LRMDA: variants seen among roughly 807,000 people sequenced by gnomAD.
LRMDA encodes the protein leucine-rich melanocyte differentiation-associated protein.
A neutral mutation model predicts 29.8 loss-of-function variants in LRMDA; 18 were observed. That is an observed-to-expected ratio of 0.60 (90% CI 0.42 to 0.90). The LOEUF (loss-of-function observed/expected upper bound fraction) is 0.90, where lower values mean the gene tolerates loss of function less well. Ranked by LOEUF, LRMDA falls within the 40% of genes least tolerant of loss-of-function variation. LRMDA has a pLI of 0.00. For missense variants in LRMDA, 273 were observed against 273.9 expected (o/e 1.00, Z 0.02); for synonymous variants, 125 against 109.4 (o/e 1.14, Z -0.89).
intron 5 of LRMDA, among the ~76,000 whole-genome samples, chr10:76,288,461 G>T (rs1170394307): frequency 6.6e-6 from 1 of 152,118 alleles, no homozygotes; most frequent in African/African-American, 2.4e-5. Flanking sequence ...GCAGCCACAG[G>T]CATGGGCAAA....
At chr10:76,259,541 CTGT>C (rs2132306876) in intron 5 of LRMDA, among the ~76,000 whole-genome samples, 1 of 152,154 alleles carries the variant, frequency 6.6e-6, no homozygotes, top group Admixed American at 6.5e-5. Flanking sequence ...TATTCTGTAG[CTGT>C]TGGCTGAAAT....
At chr10:76,425,898 C>T (rs901378588) in intron 6 of LRMDA, among the ~76,000 whole-genome samples, 2 of 152,070 alleles carry the variant, frequency 1.3e-5, no homozygotes, top group African/African-American at 4.8e-5. Flanking sequence ...TGATGGTTTC[C>T]AGCTTCATCC....
intron 2 of LRMDA, among the ~76,000 whole-genome samples, chr10:75,538,625 GTTTGT>G (rs1839980954): frequency 6.6e-6 from 1 of 150,642 alleles, no homozygotes; most frequent in African/African-American, 2.5e-5. Context: ...TTGTTTGTTT[GTTTGT>G]TTTGTGTTTT....
At chr10:76,245,770 G>A (rs1018090545) in intron 5 of LRMDA, among the ~76,000 whole-genome samples, 2 of 152,178 alleles carry the variant, frequency 1.3e-5, no homozygotes, top group African/African-American at 4.8e-5. Context: ...ACAGCTCTGG[G>A]CATGCATTGT....
At chr10:75,693,694 G>A (rs770279300) in intron 2 of LRMDA, among the ~76,000 whole-genome samples, 9 of 152,246 alleles carry the variant, frequency 5.9e-5, no homozygotes, top group East Asian at 1.9e-4. Flanking sequence ...GACTTAATGC[G>A]CCTTATTCTC....
At chr10:75,660,099 G>A (rs59420312) in intron 2 of LRMDA, among the ~76,000 whole-genome samples, 17,968 of 151,760 alleles carry the variant, frequency 0.12, 2,434 homozygotes, top group East Asian at 0.33. Context: ...ACACACACAG[G>A]CACACACACA....
intron 2 of LRMDA, among the ~76,000 whole-genome samples, chr10:75,879,308 C>T (rs61616858): frequency 2.6e-5 from 4 of 152,172 alleles, no homozygotes; most frequent in African/African-American, 9.7e-5. Context: ...CAGAATTTTG[C>T]TTCCATTAGC....
At chr10:76,476,169 T>G (rs946764765) in intron 6 of LRMDA, among the ~76,000 whole-genome samples, 26 of 151,174 alleles carry the variant, frequency 1.7e-4, no homozygotes, top group South Asian at 4.2e-4. Flanking sequence ...TAATAAAGAA[T>G]AAAAGAGAGA....
chr10:75,647,219 A>G (rs1841533630), intron 2 of LRMDA, among the ~76,000 whole-genome samples: 1 of 152,184 alleles, frequency 6.6e-6, no homozygotes, highest in Admixed American at 6.5e-5. Context: ...ACAAAGTGCA[A>G]CTTTGAGCTG....
At chr10:75,472,701 G>A (rs1291134086) in intron 2 of LRMDA, among the ~76,000 whole-genome samples, 1 of 152,212 alleles carries the variant, frequency 6.6e-6, no homozygotes, top group Non-Finnish European at 1.5e-5. Flanking sequence ...TATGGTGTAT[G>A]CTTTTCATTT....
At chr10:75,476,321 A>C (rs1844790899) in intron 2 of LRMDA, among the ~76,000 whole-genome samples, 1 of 152,166 alleles carries the variant, frequency 6.6e-6, no homozygotes, top group South Asian at 2.1e-4. Flanking sequence ...TAGTAACATC[A>C]GTTCTCCAGA....
chr10:76,011,530 G>A (rs1407031396), intron 2 of LRMDA, among the ~76,000 whole-genome samples: 3 of 152,198 alleles, frequency 2.0e-5, no homozygotes, highest in Non-Finnish European at 4.4e-5. Context: ...TGTGACTAGT[G>A]GAGCAGATCT....
intron 5 of LRMDA, among the ~76,000 whole-genome samples, chr10:76,064,578 T>A (rs1279901962): frequency 6.6e-6 from 1 of 152,244 alleles, no homozygotes; most frequent in Non-Finnish European, 1.5e-5. Context: ...AGTGTAGCAC[T>A]TTACTAAGTG....
chr10:75,580,686 AACCAAAACAGCATGGTACTGGT>A (rs1840578356), intron 2 of LRMDA, among the ~76,000 whole-genome samples: 1 of 152,214 alleles, frequency 6.6e-6, no homozygotes, highest in African/African-American at 2.4e-5. Flanking sequence ...AGGCTACAGT[AACCAAAACAGCATGGTACTGGT>A]ACCAAAACAG....
chr10:75,600,144 C>T (rs1310936235), intron 2 of LRMDA, among the ~76,000 whole-genome samples: 1 of 151,310 alleles, frequency 6.6e-6, no homozygotes, highest in Admixed American at 6.6e-5. Context: ...TCTCCTTTTC[C>T]AAGGGCTCTG....
intron 2 of LRMDA, among the ~76,000 whole-genome samples, chr10:75,733,778 T>C (rs1842727648): frequency 6.6e-6 from 1 of 152,214 alleles, no homozygotes; most frequent in Non-Finnish European, 1.5e-5. Flanking sequence ...TAAGGTCTTG[T>C]GTCTTTAAGT....
chr10:76,271,644 A>G (rs1160166515), intron 5 of LRMDA, among the ~76,000 whole-genome samples: 1 of 152,202 alleles, frequency 6.6e-6, no homozygotes, highest in African/African-American at 2.4e-5. Context: ...GTTCAGTGAC[A>G]GAAAACAGGC....
chr10:76,180,277 CTTTTTTTTTT>C (rs34563574), intron 5 of LRMDA, among the ~76,000 whole-genome samples: 1 of 89,864 alleles, frequency 1.1e-5, no homozygotes, highest in African/African-American at 4.7e-5. Flanking sequence ...TTGGAAAAAA[CTTTTTTTTTT>C]TTTTTTTTTT....
intron 5 of LRMDA, among the ~76,000 whole-genome samples, chr10:76,178,930 G>T (rs1342351788): frequency 6.6e-6 from 1 of 152,146 alleles, no homozygotes; most frequent in Non-Finnish European, 1.5e-5. Context: ...GGCATAATGA[G>T]CCCTCCGATG....
Sources: gnomAD v4.1 joint callset for allele counts (sites outside exome capture counted in the v4.1 genomes callset) on GRCh38, gnomAD v4.1.1 for gene constraint, MANE v1.5 for transcripts, NCBI Gene and HGNC (gene_info 2026-07-23, HGNC 2026-07-21) for gene names.